FAM107B: variants seen among roughly 807,000 people sequenced by gnomAD.
FAM107B encodes the protein family with sequence similarity 107 member B.
In FAM107B, 21 loss-of-function variants were observed where a neutral mutation model predicts 31.5. The ratio of observed to expected loss-of-function variants is 0.67; its 90% CI spans 0.47 to 0.96. FAM107B has a LOEUF of 0.96. FAM107B is among the 40% of genes least tolerant of loss of function. The pLI, the probability that FAM107B is intolerant of heterozygous loss-of-function variation, is 0.00. For synonymous variants in FAM107B, 157 were observed against 141.5 expected (o/e 1.11, Z -0.78); for missense variants, 452 against 377.1 (o/e 1.20, Z -1.64).
chr10:14,732,947 C>T lies in FAM107B; in HGVS notation c.411+41306G>A, dbSNP rs777434212. The stretch of plus-strand genomic sequence containing the variant: ...ATTATATAATATTATAATTATGATA[C>T]GTTATGGAATACCTTATATTGTATT... On this transcript the variant is annotated intron_variant, in intron 1 of 4. Transcript: ENST00000181796. Among the ~76,000 whole-genome samples the T allele has an allele frequency of 6.9e-4, 100 of 144,204 alleles. 1 individual carries two copies. The highest frequency in any genetic ancestry group is 5.5e-3 in the Admixed American group (78 of 14,200). 94.6% of individuals were successfully genotyped at this position (144,204 alleles called of 152,430 possible).
chr10:14,554,470 C>A (rs963548863), intron 2 of FAM107B, among the ~76,000 whole-genome samples: 8 of 152,146 alleles, frequency 5.3e-5, no homozygotes, highest in African/African-American at 1.9e-4. Context: ...ATTTACCCAA[C>A]AAGGTCTTTG....
At chr10:14,763,597 C>T (rs1014524468) in intron 1 of FAM107B, among the ~76,000 whole-genome samples, 4 of 152,254 alleles carry the variant, frequency 2.6e-5, no homozygotes, top group Admixed American at 2.6e-4. Context: ...AGAAGGGTTC[C>T]GGCAAAAACT....
At chr10:14,629,259 A>G (rs1853254611) in intron 2 of FAM107B, among the ~76,000 whole-genome samples, 1 of 132,634 alleles carries the variant, frequency 7.5e-6, no homozygotes, top group African/African-American at 2.8e-5. Context: ...ATAAATATAA[A>G]TTATATATAA....
intron 2 of FAM107B, chr10:14,553,246 G>A (rs991229559): frequency 2.9e-6 from 2 of 691,466 alleles, no homozygotes; most frequent in South Asian, 2.1e-5. Flanking sequence ...TCTGTTCACA[G>A]GTAAGTTTTT....
intron 3 of FAM107B, among the ~76,000 whole-genome samples, chr10:14,528,551 G>A: frequency 6.6e-6 from 1 of 152,142 alleles, no homozygotes; most frequent in East Asian, 1.9e-4. Flanking sequence ...TCTCAAGAGG[G>A]GATACCTTGG....
intron 2 of FAM107B, 126 bp from the exon 3 acceptor site, chr10:14,530,641 C>G: frequency 1.2e-6 from 1 of 838,502 alleles, no homozygotes; most frequent in Non-Finnish European, 1.8e-6. Context: ...CACTCTGGGG[C>G]ATCGCTGATA....
intron 2 of FAM107B, among the ~76,000 whole-genome samples, chr10:14,592,852 T>C (rs1185990563): frequency 6.6e-6 from 1 of 151,990 alleles, no homozygotes; most frequent in African/African-American, 2.4e-5. Flanking sequence ...CTGAACAGAG[T>C]CCCTTGGCAA....
At chr10:14,598,134 A>C (rs7896116) in intron 2 of FAM107B, among the ~76,000 whole-genome samples, 77,767 of 151,810 alleles carry the variant, frequency 0.51, 21,511 homozygotes, top group Non-Finnish European at 0.61. Flanking sequence ...TTGCCTTTTC[A>C]CTCCGTTGAC....
chr10:14,649,536 G>A (rs528848944), intron 2 of FAM107B, among the ~76,000 whole-genome samples: 2 of 152,224 alleles, frequency 1.3e-5, no homozygotes, highest in East Asian at 3.9e-4. Context: ...TCTTAACCCA[G>A]ACACTCCCTT....
At chr10:14,655,246 C>T (rs1854015919) in intron 2 of FAM107B, among the ~76,000 whole-genome samples, 2 of 152,214 alleles carry the variant, frequency 1.3e-5, no homozygotes, top group African/African-American at 4.8e-5. Context: ...AAACACCTCC[C>T]TTTAGTCCCC....
At chr10:14,747,671 TC>T (rs1319723599) in intron 1 of FAM107B, among the ~76,000 whole-genome samples, 1 of 152,118 alleles carries the variant, frequency 6.6e-6, no homozygotes. Flanking sequence ...GCCTGCTCCT[TC>T]CTCTGGGATC....
intron 2 of FAM107B, among the ~76,000 whole-genome samples, chr10:14,582,813 T>C (rs1372986153): frequency 2.6e-5 from 4 of 152,012 alleles, no homozygotes; most frequent in Non-Finnish European, 5.9e-5. Context: ...TCGCCGGGCA[T>C]GGTGGCTTAC....
intron 1 of FAM107B, among the ~76,000 whole-genome samples, chr10:14,712,319 C>T (rs935969864): frequency 2.6e-5 from 4 of 151,790 alleles, no homozygotes; most frequent in East Asian, 1.9e-4. Context: ...GGGCCGGGTG[C>T]GTGGCTCAAG....
intron 2 of FAM107B, among the ~76,000 whole-genome samples, chr10:14,561,984 C>T (rs148607264): frequency 6.6e-6 from 1 of 152,266 alleles, no homozygotes; most frequent in African/African-American, 2.4e-5. Context: ...CAGGGTTGCA[C>T]CATGTTGGCC....
intron 1 of FAM107B, among the ~76,000 whole-genome samples, chr10:14,689,090 A>G (rs1404269506): frequency 1.3e-5 from 2 of 152,146 alleles, no homozygotes; most frequent in East Asian, 1.9e-4. Flanking sequence ...GAACCAACAC[A>G]TGGACCTTGT....
chr10:14,528,234 T>C (rs1007530248), intron 3 of FAM107B, among the ~76,000 whole-genome samples: 6 of 139,396 alleles, frequency 4.3e-5, no homozygotes, highest in Non-Finnish European at 6.1e-5. Flanking sequence ...CAGGCTGGAA[T>C]GCACTGGCAC....
In FAM107B at chr10:14,520,094, A is replaced by T. The variant is rs544554283; in HGVS notation, c.*1096T>A. The T allele has an allele frequency of 6.6e-6, 1 of 152,430 alleles. No homozygotes were observed. The highest frequency in any genetic ancestry group is 6.6e-5 in the Admixed American group (1 of 15,264). 9.4% of individuals were successfully genotyped at this position (152,430 alleles called of 1,614,324 possible). A position where few individuals can be genotyped will look rare whatever the true frequency, so the allele number is the denominator to read the frequency against. ...GACAGTGGTGAAAGTCTTTCTTCAC[A>T]AGGAAAAACAAAGATAAAGAAATAC... On this transcript the variant is annotated 3_prime_UTR_variant, in exon 5 of 5. Transcript: ENST00000181796.
At chr10:14,555,830 G>A (rs1285770766) in intron 2 of FAM107B, 3 of 152,048 alleles carry the variant, frequency 2.0e-5, no homozygotes, top group African/African-American at 7.3e-5. Context: ...CCTGAGCCCT[G>A]GCCTAGGCAA....
chr10:14,729,432 G>C (rs1464204837), intron 1 of FAM107B, among the ~76,000 whole-genome samples: 1 of 152,164 alleles, frequency 6.6e-6, no homozygotes, highest in African/African-American at 2.4e-5. Context: ...CCTGGTCCTG[G>C]GCAGTGGGAA....
Sources: allele counts gnomAD v4.1 joint callset (sites outside exome capture counted in the v4.1 genomes callset), GRCh38; gene constraint gnomAD v4.1.1; transcripts MANE v1.5; gene names NCBI Gene and HGNC (gene_info 2026-07-23, HGNC 2026-07-21).